Variants in DDB1 observed in about 807,000 individuals in gnomAD.
The protein encoded by DDB1 is DNA damage-binding protein 1.
DDB1 carries 18 observed loss-of-function variants against 133.1 expected under a neutral mutation model. That is an observed-to-expected ratio of 0.14 (90% CI 0.09 to 0.20). The LOEUF is 0.20. DDB1 is among the 10% of genes least tolerant of loss of function. The pLI, the probability that DDB1 is intolerant of heterozygous loss-of-function variation, is 1.00. For missense variants in DDB1, 828 were observed against 1,459.2 expected (o/e 0.57, Z 7.05); for synonymous variants, 580 against 550.5 (o/e 1.05, Z -0.75).
At chr11:61,325,803 C>T in intron 5 of DDB1, 95 bp from the exon 6 acceptor site, 5 of 899,136 alleles carry the variant, frequency 5.6e-6, no homozygotes, top group Non-Finnish European at 9.1e-6. Flanking sequence ...CCAAGGCAAA[C>T]TTTAAGGTCA....
At chr11:61,317,097 A>C (rs1856099474) in intron 10 of DDB1, among the ~76,000 whole-genome samples, 1 of 147,868 alleles carries the variant, frequency 6.8e-6, no homozygotes, top group Non-Finnish European at 1.5e-5. Context: ...CTAAAAAGTT[A>C]AATAGTTTTG....
intron 6 of DDB1, among the ~76,000 whole-genome samples, chr11:61,324,613 G>C (rs1322513017): frequency 6.6e-6 from 1 of 152,078 alleles, no homozygotes. Context: ...GTGCACTGTA[G>C]CCTTAAACTC....
intron 2 of DDB1, among the ~76,000 whole-genome samples, chr11:61,330,608 G>A (rs558893265): frequency 2.4e-4 from 36 of 151,886 alleles, no homozygotes; most frequent in Non-Finnish European, 4.9e-4. Context: ...TGGTGATTTG[G>A]ATGAAAACAT....
intron 1 of DDB1, 105 bp downstream of exon 1, chr11:61,332,803 C>T: frequency 9.8e-7 from 1 of 1,018,830 alleles, no homozygotes; most frequent in Non-Finnish European, 1.3e-6. Context: ...CTTCCATTCG[C>T]CGGGCCCACT....
chr11:61,316,184 G>T, intron 12 of DDB1, 101 bp downstream of exon 12: 2 of 950,362 alleles, frequency 2.1e-6, no homozygotes, highest in Middle Eastern at 2.2e-4. Context: ...CATTATTTTT[G>T]GAGCCATAAA....
intron 16 of DDB1, among the ~76,000 whole-genome samples, 168 bp from the exon 17 acceptor site, chr11:61,312,252 G>A (rs1855985073): frequency 6.6e-6 from 1 of 152,130 alleles, no homozygotes; most frequent in Non-Finnish European, 1.5e-5. Flanking sequence ...CCATCCACAA[G>A]ATACTCTTAT....
chr11:61,300,982 A>T, intron 25 of DDB1, 50 bp from the exon 26 acceptor site: 1 of 1,609,096 alleles, frequency 6.2e-7, no homozygotes, highest in Non-Finnish European at 8.5e-7. Flanking sequence ...CACCCTCCTC[A>T]GTCATCCCCA....
chr11:61,312,501 T>G (rs1855991437), intron 16 of DDB1, among the ~76,000 whole-genome samples: 1 of 146,524 alleles, frequency 6.8e-6, no homozygotes, highest in Admixed American at 6.7e-5. Flanking sequence ...CCTCTCTCTC[T>G]CTCTCTTTTT....
chr11:61,316,277 G>T lies in DDB1; in HGVS notation c.1410+8C>A, dbSNP rs536644869. 2 of 1,613,096 alleles carry T rather than the reference G, an allele frequency of 1.2e-6. No individual in the cohort carries two copies. The highest frequency in any genetic ancestry group is 2.2e-5 in the South Asian group (2 of 91,056). ...TATGGTAACACCTGCCCCTTTCTCAGTTATCACCTGGATAAGCTGCTGATG... is the reference window on the plus strand; with the variant it reads ...TATGGTAACACCTGCCCCTTTCTCATTTATCACCTGGATAAGCTGCTGATG... On this transcript the variant is annotated splice_region_variant and intron_variant, in intron 12 of 26. Transcript: ENST00000301764.
chr11:61,318,176 A>G (rs1398970476), intron 10 of DDB1, among the ~76,000 whole-genome samples: 1 of 152,250 alleles, frequency 6.6e-6, no homozygotes. Flanking sequence ...ACAGTATTTA[A>G]TTGTGTAAAT....
rs1302465680 is a variant in DDB1 at position 61,322,895 on chromosome 11, G to C, written c.1005+116C>G. On this transcript the variant is annotated intron_variant, in intron 8 of 26. Transcript: ENST00000301764. ...GTTAAATTAACCAAGTAGAAAGCTG[G>C]ATAGTAGGGATGTGGATAAAATGGA... is the stretch of plus-strand genomic sequence containing the variant. 12 of 800,238 alleles carry C rather than the reference G, an allele frequency of 1.5e-5. No homozygotes were observed. The Admixed American group carries it at 3.3e-4, about 22-fold the overall frequency. The allele number at this position is 800,238 out of a possible 1,614,324, so 49.6% of individuals were successfully genotyped here.
intron 21 of DDB1, among the ~76,000 whole-genome samples, chr11:61,304,809 C>T (rs1477115333): frequency 1.3e-5 from 2 of 148,566 alleles, no homozygotes; most frequent in Non-Finnish European, 3.0e-5. Flanking sequence ...ATCTGGGAGG[C>T]GGAGCTTGCA....
At chr11:61,326,271 A>AT (rs1856268704) in intron 5 of DDB1, 1 of 220,508 alleles carries the variant, frequency 4.5e-6, no homozygotes, top group South Asian at 6.3e-5. Flanking sequence ...TTCTTCATCT[A>AT]TGAGGTAAAG....
chr11:61,325,157 AAAAG>A (rs1362872357), intron 6 of DDB1, among the ~76,000 whole-genome samples: 1 of 152,122 alleles, frequency 6.6e-6, no homozygotes, highest in Non-Finnish European at 1.5e-5. Context: ...TCAAAAAAAA[AAAAG>A]AAACTGCCAA....
chr11:61,308,630 A>G (rs571167931), intron 21 of DDB1, among the ~76,000 whole-genome samples: 166 of 152,334 alleles, frequency 1.1e-3, no homozygotes, highest in Non-Finnish European at 8.8e-5. Flanking sequence ...GTCATGGCAT[A>G]AGCAGTGGAA....
rs1856182042 is a variant in DDB1 at position 61,321,576 on chromosome 11, T to C, written c.1225+19A>G. 1.2e-6 allele frequency: 2 copies of C among 1,612,270 alleles called. No homozygotes were observed. The highest frequency in any genetic ancestry group is 1.1e-5 in the South Asian group (1 of 91,034). On this transcript the variant is annotated intron_variant, in intron 10 of 26. Coordinates refer to ENST00000301764, the MANE Select transcript of DDB1 (RefSeq NM_001923.5). The stretch of plus-strand genomic sequence containing the variant: ...TCCCTCATGTAAGATCTACATCCTA[T>C]GCCCACCAAAAAAGCTACCTTTGAT...
intron 10 of DDB1, 146 bp downstream of exon 10, chr11:61,321,449 T>C (rs1421019380): frequency 6.5e-5 from 38 of 580,750 alleles, no homozygotes; most frequent in Non-Finnish European, 8.6e-5. Context: ...CTTTCAGATA[T>C]GTTTAAGCTT....
chr11:61,323,188 C>T (rs1180412741), intron 7 of DDB1, 94 bp from the exon 8 acceptor site: 7 of 915,920 alleles, frequency 7.6e-6, no homozygotes, highest in Non-Finnish European at 1.1e-5. Context: ...GAGAAAACTC[C>T]CAACTGCAGC....
At chr11:61,317,420 G>T (rs1001768512) in intron 10 of DDB1, among the ~76,000 whole-genome samples, 1 of 151,690 alleles carries the variant, frequency 6.6e-6, no homozygotes, top group Admixed American at 6.6e-5. Context: ...CCAAAAGTTA[G>T]ATAATTTTAA....
Sources: gnomAD v4.1 joint callset for allele counts (sites outside exome capture counted in the v4.1 genomes callset) on GRCh38, gnomAD v4.1.1 for gene constraint, MANE v1.5 for transcripts, NCBI Gene and HGNC (gene_info 2026-07-23, HGNC 2026-07-21) for gene names.